The following NCK1 variants were observed in gnomAD, a reference collection of about 807,000 sequenced individuals.
The protein encoded by NCK1 is NCK adaptor protein 1.
NCK1 carries 19 observed loss-of-function variants against 36.6 expected under a neutral mutation model. The observed-to-expected ratio is 0.52, with a 90% CI of 0.36 to 0.76. NCK1 has a LOEUF of 0.76. Ranked by LOEUF, NCK1 falls within the 30% of genes least tolerant of loss-of-function variation. The pLI is 0.00. For missense variants in NCK1, 358 were observed against 445.6 expected, an observed-to-expected ratio of 0.80 and a Z score of 1.77; for synonymous variants, 165 against 156.0, an observed-to-expected ratio of 1.06 and a Z score of -0.43.
At chr3:136,889,732 A>T (rs1939184396) in intron 1 of NCK1, among the ~76,000 whole-genome samples, 1 of 152,062 alleles carries the variant, frequency 6.6e-6, no homozygotes, top group East Asian at 1.9e-4. Context: ...TGTTGACACA[A>T]AGGTTCTCCA....
chr3:136,945,448 A>G, intron 2 of NCK1, 135 bp from the exon 3 acceptor site: 2 of 588,862 alleles, frequency 3.4e-6, no homozygotes, highest in South Asian at 9.3e-5. Context: ...TTTTAACTAC[A>G]TAGAAATTTG....
chr3:136,879,989 T>TAAAAAAA (rs891612999), intron 1 of NCK1, among the ~76,000 whole-genome samples: 5 of 119,506 alleles, frequency 4.2e-5, no homozygotes, highest in Non-Finnish European at 6.7e-5. Context: ...TAAAGAATAT[T>TAAAAAAA]AAAAAAAAAA....
chr3:136,895,705 C>T lies in NCK1; in HGVS notation c.-18-32279C>T, dbSNP rs541060868. 5.3e-5 allele frequency among the ~76,000 whole-genome samples: 8 copies of T among 152,216 alleles called. No homozygotes were observed. In the South Asian group the frequency reaches 1.5e-3, roughly 28 times the overall value. On this transcript the variant is annotated intron_variant, in intron 1 of 3. Coordinates refer to ENST00000481752, the MANE Select transcript of NCK1 (RefSeq NM_001291999.2). ...ACAGCCTCCCGGGTAGCTGGGATTA[C>T]AGGTGCGTACCACCACACCCCGCTA...
At chr3:136,906,042 A>AT (rs1435040457) in intron 1 of NCK1, among the ~76,000 whole-genome samples, 6 of 152,088 alleles carry the variant, frequency 3.9e-5, no homozygotes, top group Non-Finnish European at 5.9e-5. Flanking sequence ...CCTCTGGTGT[A>AT]ACAGTTGCTC....
intron 1 of NCK1, among the ~76,000 whole-genome samples, chr3:136,880,363 G>T (rs1938896348): frequency 6.6e-6 from 1 of 152,038 alleles, no homozygotes; most frequent in South Asian, 2.1e-4. Context: ...GGTTATTAGG[G>T]TGGACCCTAA....
intron 1 of NCK1, among the ~76,000 whole-genome samples, chr3:136,902,582 T>G (rs570285345): frequency 3.3e-5 from 5 of 152,202 alleles, no homozygotes; most frequent in African/African-American, 1.2e-4. Flanking sequence ...TTGACACTTG[T>G]TTTGTGTCCT....
chr3:136,881,662 A>G (rs1334571917), intron 1 of NCK1, among the ~76,000 whole-genome samples: 1 of 152,230 alleles, frequency 6.6e-6, no homozygotes, highest in Non-Finnish European at 1.5e-5. Context: ...AACTGTATAC[A>G]TACTAACAAC....
At chr3:136,933,127 G>A (rs1940437513) in intron 2 of NCK1, among the ~76,000 whole-genome samples, 1 of 152,192 alleles carries the variant, frequency 6.6e-6, no homozygotes, top group African/African-American at 2.4e-5. Flanking sequence ...AAAAAACTTA[G>A]TAAGAGCTGC....
chr3:136,940,294 G>C (rs1940638092), intron 2 of NCK1, among the ~76,000 whole-genome samples: 2 of 152,060 alleles, frequency 1.3e-5, no homozygotes, highest in Admixed American at 6.6e-5. Flanking sequence ...AGGTCTAGTT[G>C]GTTTATAGTA....
chr3:136,947,662 T>C (rs1051575464), intron 3 of NCK1, among the ~76,000 whole-genome samples: 3 of 152,176 alleles, frequency 2.0e-5, no homozygotes, highest in Admixed American at 6.6e-5. Flanking sequence ...CTTGTTTAGA[T>C]TGGTGATACA....
chr3:136,936,688 G>T (rs562028342), intron 2 of NCK1, among the ~76,000 whole-genome samples: 17 of 152,210 alleles, frequency 1.1e-4, no homozygotes, highest in Non-Finnish European at 2.1e-4. Flanking sequence ...TTGGTGTGAG[G>T]TAGGGTCATT....
intron 2 of NCK1, among the ~76,000 whole-genome samples, chr3:136,940,508 A>G (rs549913902): frequency 2.0e-5 from 3 of 152,180 alleles, no homozygotes; most frequent in Admixed American, 6.5e-5. Context: ...TCTTTTATCA[A>G]TATATGCTGT....
chr3:136,872,720 C>T (rs1406573772), intron 1 of NCK1, among the ~76,000 whole-genome samples: 1 of 152,196 alleles, frequency 6.6e-6, no homozygotes, highest in African/African-American at 2.4e-5. Flanking sequence ...GTGCTATGTG[C>T]AGCCTAGGGA....
chr3:136,896,487 A>G (rs1381071923), intron 1 of NCK1, among the ~76,000 whole-genome samples: 2 of 152,156 alleles, frequency 1.3e-5, no homozygotes, highest in Admixed American at 6.5e-5. Flanking sequence ...TTTAATGGCC[A>G]AATAGTATCC....
intron 1 of NCK1, among the ~76,000 whole-genome samples, chr3:136,878,641 A>G (rs1576946456): frequency 6.6e-6 from 1 of 152,140 alleles, no homozygotes; most frequent in Non-Finnish European, 1.5e-5. Context: ...TGAATAGACT[A>G]AAACATTGAA....
chr3:136,866,893 G>T (rs1004211707), intron 1 of NCK1, among the ~76,000 whole-genome samples: 1 of 152,016 alleles, frequency 6.6e-6, no homozygotes, highest in African/African-American at 2.4e-5. Context: ...GATTACAGGC[G>T]TGAGCCACTG....
At chr3:136,878,697 C>A (rs1370996424) in intron 1 of NCK1, among the ~76,000 whole-genome samples, 1 of 59,062 alleles carries the variant, frequency 1.7e-5, no homozygotes, top group East Asian at 1.2e-3. Flanking sequence ...TGAGTTGTAT[C>A]TCAATAAAGC....
intron 2 of NCK1, among the ~76,000 whole-genome samples, chr3:136,937,536 T>C (rs551499988): frequency 3.9e-5 from 6 of 152,230 alleles, no homozygotes; most frequent in Non-Finnish European, 8.8e-5. Flanking sequence ...AAGAATTGCA[T>C]TGAATCTGTG....
chr3:136,927,826 C>G (rs1374189771), intron 1 of NCK1, among the ~76,000 whole-genome samples, 158 bp from the exon 2 acceptor site: 1 of 152,216 alleles, frequency 6.6e-6, no homozygotes, highest in Non-Finnish European at 1.5e-5. Flanking sequence ...GCCATACAGT[C>G]ACAGTCTCTT....
Sources: allele counts gnomAD v4.1 joint callset (sites outside exome capture counted in the v4.1 genomes callset), GRCh38; gene constraint gnomAD v4.1.1; transcripts MANE v1.5; gene names NCBI Gene and HGNC (gene_info 2026-07-23, HGNC 2026-07-21).